VWDE: variants seen among roughly 807,000 people sequenced by gnomAD.
VWDE encodes von Willebrand factor D and EGF domain-containing protein.
Under a neutral mutation model 178.4 loss-of-function variants are expected in VWDE, and 207 were observed. The ratio of observed to expected loss-of-function variants is 1.16; its 90% CI spans 1.04 to 1.30. The LOEUF (loss-of-function observed/expected upper bound fraction) is 1.30. VWDE is among the 50% of genes most tolerant of loss of function. The probability of loss-of-function intolerance (pLI) is 0.00; values close to 1 mark genes in which losing one functional copy is unlikely to be tolerated. For missense variants in VWDE, 2,287 were observed against 1,901.3 expected (o/e 1.20, Z -3.77); for synonymous variants, 738 against 651.4 (o/e 1.13, Z -2.02).
At chr7:12,335,385 T>C (rs1178805631) in intron 27 of VWDE, among the ~76,000 whole-genome samples, 1 of 152,200 alleles carries the variant, frequency 6.6e-6, no homozygotes, top group Admixed American at 6.5e-5. Flanking sequence ...GATGGAGATA[T>C]ACTAAAACTC....
chr7:12,356,339 CA>C lies in VWDE; in HGVS notation c.3526-10del, dbSNP rs374753524. The C allele has an allele frequency of 1.6e-3, 2,451 of 1,508,210 alleles. 24 individuals are homozygous for C. The African/African-American group carries it at 0.026, about 16-fold the overall frequency. The allele number at this position is 1,508,210 out of a possible 1,614,324, so 93.4% of individuals were successfully genotyped here. A position where few individuals can be genotyped will look rare whatever the true frequency, so the allele number is the denominator to read the frequency against. ...CAAGACTTCACAGTCACCTACAAAA[CA>C]AAAAAAAAGGAAATGTCTTATTTTT... On this transcript the variant is annotated splice_polypyrimidine_tract_variant and intron_variant, in intron 17 of 28. Coordinates refer to ENST00000275358, the MANE Select transcript of VWDE (RefSeq NM_001135924.3).
chr7:12,393,576 C>A lies in VWDE; in HGVS notation c.243+18G>T. On this transcript the variant is annotated intron_variant, in intron 2 of 28. Transcript: ENST00000275358. The stretch of plus-strand genomic sequence containing the variant: ...CACATAAGGAAAATAACATGCAGTA[C>A]TTAGGGAGTTGACATACCTCAACAC... 1 of 1,525,308 alleles carries A rather than the reference C, an allele frequency of 6.6e-7. No individual in the cohort carries two copies. Among genetic ancestry groups the A allele is most frequent in the Non-Finnish European group, 8.8e-7 (1 of 1,133,602 alleles). 94.5% of individuals were successfully genotyped at this position (1,525,308 alleles called of 1,614,324 possible). A position where few individuals can be genotyped will look rare whatever the true frequency, so the allele number is the denominator to read the frequency against.
chr7:12,388,232 T>C (rs1452228040), intron 3 of VWDE, among the ~76,000 whole-genome samples: 5 of 152,188 alleles, frequency 3.3e-5, no homozygotes, highest in Non-Finnish European at 7.4e-5. Flanking sequence ...ACTAGGATTA[T>C]GCTTTTGGGG....
intron 19 of VWDE, among the ~76,000 whole-genome samples, chr7:12,347,888 A>G (rs10241672): frequency 0.66 from 100,616 of 151,782 alleles, 34,913 homozygotes; most frequent in African/African-American, 0.89. Context: ...ATAGATCAAT[A>G]GAACAGAACA....
chr7:12,371,228 A>G (rs752563498), intron 10 of VWDE, among the ~76,000 whole-genome samples: 4 of 152,214 alleles, frequency 2.6e-5, no homozygotes, highest in Non-Finnish European at 5.9e-5. Flanking sequence ...ACAGAATTAG[A>G]TTGCCAAATA....
At chr7:12,402,492 A>C (rs568655430) in intron 1 of VWDE, among the ~76,000 whole-genome samples, 44 of 152,334 alleles carry the variant, frequency 2.9e-4, no homozygotes, top group African/African-American at 8.7e-4. Flanking sequence ...TCTTCAGCAG[A>C]GAGATTACAA....
chr7:12,343,010 A>G (rs528110294), intron 22 of VWDE, 73 bp downstream of exon 22: 37 of 1,125,356 alleles, frequency 3.3e-5, no homozygotes, highest in Non-Finnish European at 4.3e-5. Flanking sequence ...GGTTCATTTC[A>G]CGTAGCATTA....
chr7:12,331,073 G>C lies in VWDE; in HGVS notation c.*110C>G, dbSNP rs1780690832. On this transcript the variant is annotated 3_prime_UTR_variant, in exon 29 of 29. Transcript: ENST00000275358. Reference sequence around the variant, plus strand: ...TTTTATTAGTTTCTTCAGTCTTTAAGATATTTTTTGAATGATGTTCAAATA... The same window carrying C: ...TTTTATTAGTTTCTTCAGTCTTTAACATATTTTTTGAATGATGTTCAAATA... The C allele has an allele frequency of 2.6e-5, 20 of 779,300 alleles. No homozygotes were observed. The highest frequency in any genetic ancestry group is 4.0e-5 in the Non-Finnish European group (20 of 496,552). The allele number at this position is 779,300 out of a possible 1,614,324, so 48.3% of individuals were successfully genotyped here.
chr7:12,334,698 A>G (rs1316579261), intron 27 of VWDE, among the ~76,000 whole-genome samples: 1 of 152,252 alleles, frequency 6.6e-6, no homozygotes, highest in Non-Finnish European at 1.5e-5. Flanking sequence ...AAAATGCTGC[A>G]GGATGCAGAA....
Position 12,356,324 on chromosome 7 carries a change from C to G in VWDE, c.3532G>C (p.Val1178Leu), listed in dbSNP as rs760384635. The G allele has an allele frequency of 1.6e-4, 254 of 1,549,844 alleles. No homozygotes were observed. The highest frequency in any genetic ancestry group is 2.1e-4 in the Non-Finnish European group (239 of 1,146,338). ...AETRVTIEVT[V>L]KSCDCLNGGS... ...CCATTCAAGCAATCACAAGACTTCACAGTCACCTACAAAACAAAAAAAAAG... is the reference window on the plus strand; with the variant it reads ...CCATTCAAGCAATCACAAGACTTCAGAGTCACCTACAAAACAAAAAAAAAG... Residue 1178 changes from valine to leucine, a missense_variant, in exon 18 of 29, where the codon GTG becomes CTG. By Grantham distance (32) the Val-to-Leu change is conservative. Transcript: ENST00000275358.
chr7:12,393,277 T>C (rs1784469490), intron 2 of VWDE, among the ~76,000 whole-genome samples: 1 of 152,192 alleles, frequency 6.6e-6, no homozygotes, highest in Non-Finnish European at 1.5e-5. Context: ...CTGCTACCTG[T>C]GACTGTAAGA....
Position 12,331,129 on chromosome 7 carries a change from C to T in VWDE, c.*54G>A. On this transcript the variant is annotated 3_prime_UTR_variant, in exon 29 of 29. Coordinates refer to ENST00000275358, the MANE Select transcript of VWDE (RefSeq NM_001135924.3). ...CAAGTTATCTCCAACTTTTTCTGAA[C>T]AAAATATTTCCATTCTTAAGATACA... 1.4e-6 allele frequency: 2 copies of T among 1,471,560 alleles called. No homozygotes were observed. The highest frequency in any genetic ancestry group is 2.5e-5 in the East Asian group (1 of 39,932). 91.2% of individuals were successfully genotyped at this position (1,471,560 alleles called of 1,614,324 possible).
chr7:12,384,048 C>A (rs1783982312), intron 3 of VWDE, among the ~76,000 whole-genome samples: 1 of 152,110 alleles, frequency 6.6e-6, no homozygotes, highest in Non-Finnish European at 1.5e-5. Flanking sequence ...GAAAAACCTG[C>A]ACATGGAAGT....
At chr7:12,342,221 T>A in intron 22 of VWDE, 67 bp from the exon 23 acceptor site, 2 of 1,274,560 alleles carry the variant, frequency 1.6e-6, no homozygotes, top group Non-Finnish European at 2.2e-6. Context: ...GGTTATTATC[T>A]AGCTAGCTCA....
rs534263117 is a variant in VWDE at position 12,337,064 on chromosome 7, G to C, written c.4482C>G (p.Cys1494Trp). ...GTCCCACACATTTTCCTCCATTCAT[G>C]CACGTAGGATCACAGATGCCTTAAG... is the stretch of plus-strand genomic sequence containing the variant. ...RFQKSICDPT[C>W]MNGGKCVGPS... Residue 1494 changes from cysteine to tryptophan, a missense_variant, in exon 26 of 29, where the codon TGC becomes TGG. Coordinates refer to ENST00000275358, the MANE Select transcript of VWDE (RefSeq NM_001135924.3). 4 of 1,551,604 alleles carry C rather than the reference G, an allele frequency of 2.6e-6. No individual in the cohort carries two copies. In the African/African-American group the frequency reaches 5.5e-5, roughly 21 times the overall value.
chr7:12,337,042 C>T lies in VWDE; in HGVS notation c.4504G>A (p.Gly1502Arg). ...PTCMNGGKCV[G>R]PSTCSCPSGW... ...GAAGGACAAGAGCAAGTGCTTGGTC[C>T]CACACATTTTCCTCCATTCATGCAC... The change falls in exon 26 of 29, where the codon GGA (glycine) becomes AGA (arginine). Residue 1502 changes from glycine to arginine, a missense_variant. Coordinates refer to ENST00000275358, the MANE Select transcript of VWDE (RefSeq NM_001135924.3). 1.3e-6 allele frequency: 2 copies of T among 1,551,494 alleles called. No homozygotes were observed. The highest frequency in any genetic ancestry group is 1.7e-6 in the Non-Finnish European group (2 of 1,146,894).
chr7:12,359,556 G>C (rs1444026621), intron 16 of VWDE, 22 bp downstream of exon 16: 3 of 1,437,178 alleles, frequency 2.1e-6, no homozygotes, highest in Non-Finnish European at 2.9e-6. Context: ...GGAAATATTT[G>C]GATTAATAAA....
At chr7:12,343,594 T>A (rs1051618042) in intron 21 of VWDE, among the ~76,000 whole-genome samples, 1 of 152,146 alleles carries the variant, frequency 6.6e-6, no homozygotes, top group Non-Finnish European at 1.5e-5. Context: ...ATAAAAACAT[T>A]TAACATGGCT....
At chr7:12,356,875 T>C (rs1304390493) in intron 17 of VWDE, among the ~76,000 whole-genome samples, 4 of 152,250 alleles carry the variant, frequency 2.6e-5, no homozygotes, top group Non-Finnish European at 5.9e-5. Flanking sequence ...CAATTATTTA[T>C]CTCAAGTTGT....
Sources: gnomAD v4.1 joint callset for allele counts (sites outside exome capture counted in the v4.1 genomes callset) on GRCh38, gnomAD v4.1.1 for gene constraint, MANE v1.5 for transcripts, NCBI Gene and HGNC (gene_info 2026-07-23, HGNC 2026-07-21) for gene names.